DLGAP1: variants seen among roughly 807,000 people sequenced by gnomAD.
The protein encoded by DLGAP1 is disks large-associated protein 1.
DLGAP1 carries 11 observed loss-of-function variants against 90.8 expected under a neutral mutation model. The observed-to-expected ratio is 0.12, with a 90% CI of 0.08 to 0.20. The LOEUF (loss-of-function observed/expected upper bound fraction) is 0.20. Ranked by LOEUF, DLGAP1 falls within the 10% of genes least tolerant of loss-of-function variation. DLGAP1 has a pLI of 1.00. For synonymous variants in DLGAP1, 558 were observed against 540.7 expected, an observed-to-expected ratio of 1.03 and a Z score of -0.44; for missense variants, 1,050 against 1,333.8, an observed-to-expected ratio of 0.79 and a Z score of 3.31.
At chr18:4,327,557 A>G (rs754374851) in intron 1 of DLGAP1, among the ~76,000 whole-genome samples, 26 of 152,094 alleles carry the variant, frequency 1.7e-4, no homozygotes, top group Non-Finnish European at 3.2e-4. Context: ...TATGAATTAT[A>G]TAAACTTATT....
intron 7 of DLGAP1, among the ~76,000 whole-genome samples, chr18:3,713,804 G>A (rs1294780434): frequency 6.6e-6 from 1 of 152,148 alleles, no homozygotes; most frequent in Non-Finnish European, 1.5e-5. Flanking sequence ...GATGTTCAGT[G>A]GGTGTCCACG....
chr18:4,174,336 T>A (rs1035065694), intron 1 of DLGAP1, among the ~76,000 whole-genome samples: 11 of 151,998 alleles, frequency 7.2e-5, no homozygotes, highest in South Asian at 4.2e-4. Flanking sequence ...TATTTTATTT[T>A]TTATTATTAT....
In DLGAP1 at chr18:3,534,243, C is replaced by A; in HGVS notation, c.2430G>T (p.Trp810Cys). The A allele has an allele frequency of 6.2e-7, 1 of 1,614,206 alleles. No individual in the cohort carries two copies. The highest frequency in any genetic ancestry group is 8.5e-7 in the Non-Finnish European group (1 of 1,180,030). ...LQAERDRMEG[W>C]CQQMEREERE... ...GTTCTTCCCGCTCCATCTGTTGACA[C>A]CACCCCTCCATGCGGTCTCGCTCTG... The change falls in exon 10 of 13, where the codon TGG (tryptophan) becomes TGT (cysteine). Residue 810 changes from tryptophan (W) to cysteine (C), a missense_variant. Transcript: ENST00000315677.
intron 1 of DLGAP1, among the ~76,000 whole-genome samples, chr18:4,411,693 T>C (rs2082781223): frequency 6.6e-6 from 1 of 152,110 alleles, no homozygotes; most frequent in South Asian, 2.1e-4. Flanking sequence ...CAACAACCAA[T>C]ATGGTTCACT....
chr18:4,319,429 A>G (rs1447773299), intron 1 of DLGAP1, among the ~76,000 whole-genome samples: 2 of 152,230 alleles, frequency 1.3e-5, no homozygotes, highest in Admixed American at 1.3e-4. Context: ...TACTCAGTCT[A>G]GTTTGGGGAC....
chr18:4,132,795 CGT>C (rs2076336652), intron 2 of DLGAP1, among the ~76,000 whole-genome samples: 1 of 152,156 alleles, frequency 6.6e-6, no homozygotes, highest in African/African-American at 2.4e-5. Context: ...TCATTTGCTG[CGT>C]GCCATACATG....
chr18:4,374,767 G>A (rs941579826), intron 1 of DLGAP1, among the ~76,000 whole-genome samples: 1 of 152,040 alleles, frequency 6.6e-6, no homozygotes, highest in African/African-American at 2.4e-5. Flanking sequence ...CAGTCACGTG[G>A]TGTGACAAAT....
intron 1 of DLGAP1, among the ~76,000 whole-genome samples, chr18:4,361,174 G>A (rs966546828): frequency 3.3e-5 from 5 of 151,962 alleles, no homozygotes; most frequent in Non-Finnish European, 7.4e-5. Flanking sequence ...TAATAATAAT[G>A]TTTCTATGAA....
At chr18:3,833,543 T>C (rs1167876063) in intron 4 of DLGAP1, among the ~76,000 whole-genome samples, 1 of 152,152 alleles carries the variant, frequency 6.6e-6, no homozygotes, top group Non-Finnish European at 1.5e-5. Flanking sequence ...ACTGTTTTGT[T>C]TTGATTTACT....
At chr18:3,544,337 G>A (rs1356788276) in intron 9 of DLGAP1, among the ~76,000 whole-genome samples, 1 of 152,196 alleles carries the variant, frequency 6.6e-6, no homozygotes, top group Non-Finnish European at 1.5e-5. Context: ...GTGGTGAGCT[G>A]AGATTGTGCC....
chr18:3,639,785 T>G (rs551243766), intron 7 of DLGAP1, among the ~76,000 whole-genome samples: 1 of 122,256 alleles, frequency 8.2e-6, no homozygotes, highest in Non-Finnish European at 1.6e-5. Context: ...GACAGAGTCT[T>G]GCTCTGTCGC....
rs58599574 is a variant in DLGAP1, at chr18:3,977,434, GTTT to G, written c.-73+27679_-73+27681del. Reference sequence around the variant, plus strand: ...AGTTAATGAATTATGTTTATTCTGTGTTTTTTTTTTTTTTTTTTTTGCTGAGTA... The same window carrying G: ...AGTTAATGAATTATGTTTATTCTGTGTTTTTTTTTTTTTTTTTGCTGAGTA... On this transcript the variant is annotated intron_variant, in intron 3 of 12. Transcript: ENST00000315677. Among the ~76,000 whole-genome samples, 401 of 95,354 alleles carry G rather than the reference GTTT, an allele frequency of 4.2e-3. 3 individuals carry two copies. Among genetic ancestry groups the G allele is most frequent in the African/African-American group, 0.015 (361 of 23,992 alleles). The allele number at this position is 95,354 out of a possible 152,430, so 62.6% of individuals were successfully genotyped here. A position where few individuals can be genotyped will look rare whatever the true frequency, so the allele number is the denominator to read the frequency against.
At chr18:3,940,856 C>T (rs555211332) in intron 3 of DLGAP1, among the ~76,000 whole-genome samples, 75 of 152,242 alleles carry the variant, frequency 4.9e-4, no homozygotes, top group African/African-American at 1.7e-3. Context: ...ATAATAGTAC[C>T]CATCAAAAAC....
At chr18:4,111,815 G>T (rs2075977814) in intron 2 of DLGAP1, among the ~76,000 whole-genome samples, 1 of 151,810 alleles carries the variant, frequency 6.6e-6, no homozygotes, top group South Asian at 2.1e-4. Flanking sequence ...TTGGTAATGT[G>T]AATCTCATCT....
At position 3,879,012 on chromosome 18, in the gene DLGAP1, T is replaced by C; in HGVS notation, c.957+100A>G. On this transcript the variant is annotated intron_variant, in intron 4 of 12. Transcript: ENST00000315677. This position sits in a 1 kb window ranked among gnomAD's most constrained non-coding sequence, Gnocchi z 6.6. Reference sequence around the variant, plus strand: ...TAATTTGCACAGGTTCCTATCTTAATAGACAATTCAGAGTAGTGCCAAGAC... The same window carrying C: ...TAATTTGCACAGGTTCCTATCTTAACAGACAATTCAGAGTAGTGCCAAGAC... 9.9e-7 allele frequency: 1 copy of C among 1,006,662 alleles called. No homozygotes were observed. Among genetic ancestry groups the C allele is most frequent in the Non-Finnish European group, 1.4e-6 (1 of 730,604 alleles). The allele number at this position is 1,006,662 out of a possible 1,614,324, so 62.4% of individuals were successfully genotyped here.
rs188234114 is a variant in DLGAP1 at position 4,223,475 on chromosome 18, C to A, written c.-266-72188G>T. On this transcript the variant is annotated intron_variant, in intron 1 of 12. Transcript: ENST00000315677. ...ACTTTGAGGTATCAGTGGGTACTCA[C>A]AACATTTGAATAAGATGTGCAAAGA... Among the ~76,000 whole-genome samples the A allele has an allele frequency of 1.4e-4, 22 of 152,232 alleles. No homozygotes were observed. The East Asian group carries it at 3.5e-3, about 24-fold the overall frequency.
At chr18:3,688,032 G>A (rs144276757) in intron 7 of DLGAP1, among the ~76,000 whole-genome samples, 1,769 of 150,806 alleles carry the variant, frequency 0.012, 18 homozygotes, top group Non-Finnish European at 0.02. Flanking sequence ...TCAGCCTCCC[G>A]AGTAGCTGGA....
At chr18:3,977,367 C>T (rs962584250) in intron 3 of DLGAP1, among the ~76,000 whole-genome samples, 8 of 151,148 alleles carry the variant, frequency 5.3e-5, no homozygotes, top group South Asian at 2.1e-4. Context: ...TCACTTTGCC[C>T]GGCCTTATTA....
chr18:4,422,565 T>C (rs1208070360), intron 1 of DLGAP1, among the ~76,000 whole-genome samples: 2 of 152,012 alleles, frequency 1.3e-5, no homozygotes, highest in African/African-American at 4.8e-5. Flanking sequence ...TTTATAATTC[T>C]TAAAACTTCA....
Sources: gnomAD v4.1 joint callset for allele counts (sites outside exome capture counted in the v4.1 genomes callset) on GRCh38, gnomAD v4.1.1 for gene constraint, Gnocchi (gnomAD v3.1) non-coding constraint, MANE v1.5 for transcripts, NCBI Gene and HGNC (gene_info 2026-07-23, HGNC 2026-07-21) for gene names.